The following NAV2 variants were observed in gnomAD, a reference collection of about 807,000 sequenced individuals.
NAV2 encodes helicase, APC down-regulated 1.
In NAV2, 54 loss-of-function variants were observed where a neutral mutation model predicts 223.2. The observed-to-expected ratio is 0.24, with a 90% CI of 0.19 to 0.30. The LOEUF (loss-of-function observed/expected upper bound fraction) is 0.30. Ranked by LOEUF, NAV2 falls within the 10% of genes least tolerant of loss-of-function variation. NAV2 has a pLI of 1.00. For synonymous variants in NAV2, 1,279 were observed against 1,239.3 expected (o/e 1.03, Z -0.67); for missense variants, 2,806 against 3,147.5 (o/e 0.89, Z 2.60).
chr11:20,106,573 AAT>A (rs1449697534), intron 35 of NAV2, among the ~76,000 whole-genome samples: 1 of 149,974 alleles, frequency 6.7e-6, no homozygotes, highest in Non-Finnish European at 1.5e-5. Context: ...AAAAAAAAAA[AAT>A]CCTTTTTCAT....
intron 1 of NAV2, among the ~76,000 whole-genome samples, chr11:19,631,662 G>C (rs2047350061): frequency 6.6e-6 from 1 of 152,186 alleles, no homozygotes; most frequent in African/African-American, 2.4e-5. Context: ...GGAGAGACTT[G>C]CATTCAAAGC....
intron 12 of NAV2, among the ~76,000 whole-genome samples, chr11:20,042,353 G>A (rs907628376): frequency 1.3e-5 from 2 of 152,112 alleles, no homozygotes; most frequent in South Asian, 2.1e-4. Flanking sequence ...TCATTCATTC[G>A]CTCATCAAGC....
intron 10 of NAV2, among the ~76,000 whole-genome samples, chr11:19,966,412 G>A (rs553796151): frequency 7.1e-4 from 108 of 152,250 alleles, no homozygotes; most frequent in Non-Finnish European, 1.2e-3. Context: ...ACAGAGCATG[G>A]TGCATCATGG....
At chr11:19,497,788 A>G (rs2134127038) in intron 1 of NAV2, among the ~76,000 whole-genome samples, 1 of 152,272 alleles carries the variant, frequency 6.6e-6, no homozygotes, top group East Asian at 1.9e-4. Context: ...TGTGCTTCCA[A>G]GCACACATCA....
chr11:20,074,532 G>T (rs1009401284), intron 22 of NAV2, among the ~76,000 whole-genome samples: 3 of 152,060 alleles, frequency 2.0e-5, no homozygotes, highest in Non-Finnish European at 4.4e-5. Flanking sequence ...TGACAGTAGG[G>T]TGTTAAAGTC....
chr11:20,077,629 G>GC lies in NAV2; in HGVS notation c.5062dup (p.Gln1688ProfsTer8). On this transcript the variant is annotated frameshift_variant, in exon 23 of 38. Transcript: ENST00000349880. LOFTEE classifies it high-confidence loss of function. ...TCCAGAGTCTGACCATGACAGCTGA[G>GC]CAGAAGGTAAGGCAGAAAGGATACT... The GC allele has an allele frequency of 6.2e-7, 1 of 1,613,672 alleles. No individual in the cohort carries two copies. Among genetic ancestry groups the GC allele is most frequent in the African/African-American group, 1.3e-5 (1 of 75,056 alleles).
chr11:19,386,218 T>C (rs1400610548), intron 1 of NAV2, among the ~76,000 whole-genome samples: 1 of 152,240 alleles, frequency 6.6e-6, no homozygotes, highest in African/African-American at 2.4e-5. Flanking sequence ...GTGCCCAGCA[T>C]TGAATCAAAC....
chr11:19,418,571 C>G (rs1453538017), intron 1 of NAV2, among the ~76,000 whole-genome samples: 1 of 152,170 alleles, frequency 6.6e-6, no homozygotes, highest in African/African-American at 2.4e-5. Flanking sequence ...CACATCTTAC[C>G]AGCATATGAT....
intron 5 of NAV2, among the ~76,000 whole-genome samples, chr11:19,888,137 C>G (rs2041185527): frequency 6.6e-6 from 1 of 152,124 alleles, no homozygotes; most frequent in Non-Finnish European, 1.5e-5. Flanking sequence ...TTCCCTTAAG[C>G]TTAATATTTT....
At position 20,064,398 on chromosome 11, in the gene NAV2, C is replaced by T. The variant is rs1321188509; in HGVS notation, c.4884+2039C>T. On this transcript the variant is annotated intron_variant, in intron 20 of 37. Transcript: ENST00000349880. ...GGACTCTAGCTTCACAGGACTGGCACAGAGAAGCTGTAGTGGATGTTTCAG... is the reference window on the plus strand; with the variant it reads ...GGACTCTAGCTTCACAGGACTGGCATAGAGAAGCTGTAGTGGATGTTTCAG... Among the ~76,000 whole-genome samples, 3 of 152,196 alleles carry T rather than the reference C, an allele frequency of 2.0e-5. No homozygotes were observed. The East Asian group carries it at 5.8e-4, about 29-fold the overall frequency.
chr11:19,823,319 T>C (rs1003728245), intron 1 of NAV2, among the ~76,000 whole-genome samples: 1 of 152,224 alleles, frequency 6.6e-6, no homozygotes, highest in African/African-American at 2.4e-5. Context: ...GTGATTCTCC[T>C]GCCTCAGCCT....
chr11:19,722,011 C>T (rs908938668), intron 1 of NAV2, among the ~76,000 whole-genome samples: 3 of 152,168 alleles, frequency 2.0e-5, no homozygotes, highest in African/African-American at 7.2e-5. Context: ...AAAACAAAGT[C>T]CTGCCTGAAT....
chr11:20,068,327 C>G lies in NAV2; in HGVS notation c.4912C>G (p.Arg1638Gly). 6.2e-7 allele frequency: 1 copy of G among 1,614,076 alleles called. No individual in the cohort carries two copies. The highest frequency in any genetic ancestry group is 8.5e-7 in the Non-Finnish European group (1 of 1,179,930). The change falls in exon 22 of 38, where the codon CGC becomes GGC. Residue 1638 changes from arginine (R) to glycine (G), a missense_variant. Coordinates refer to ENST00000349880, the MANE Select transcript of NAV2 (RefSeq NM_145117.5). ...TPEEKCQSEI[R>G]KLRRELDASQ... ...CCCTCTCCCTTGTCATCTTTAGATT[C>G]GCAAGCTGCGGCGGGAACTGGATGC...
At chr11:19,441,202 G>A (rs1448166090) in intron 1 of NAV2, among the ~76,000 whole-genome samples, 1 of 152,188 alleles carries the variant, frequency 6.6e-6, no homozygotes, top group Non-Finnish European at 1.5e-5. Context: ...CAAAAGGCCA[G>A]TGTGGCTGGA....
At chr11:19,635,539 A>C (rs968823051) in intron 1 of NAV2, among the ~76,000 whole-genome samples, 1 of 152,212 alleles carries the variant, frequency 6.6e-6, no homozygotes, top group Non-Finnish European at 1.5e-5. Flanking sequence ...GGGCAGCTGC[A>C]TCTGGTAAGG....
chr11:20,084,431 T>C (rs2060288728), intron 26 of NAV2, among the ~76,000 whole-genome samples: 3 of 152,208 alleles, frequency 2.0e-5, no homozygotes, highest in Admixed American at 1.3e-4. Flanking sequence ...TCACCCACTA[T>C]TGAAACATGG....
chr11:19,516,346 C>T (rs2043446597), intron 1 of NAV2, among the ~76,000 whole-genome samples: 1 of 152,166 alleles, frequency 6.6e-6, no homozygotes, highest in African/African-American at 2.4e-5. Flanking sequence ...CTAACAACTC[C>T]CACCCCCAAA....
At position 20,044,141 on chromosome 11, in the gene NAV2, C is replaced by T. The variant is rs202031827; in HGVS notation, c.3068C>T (p.Thr1023Met). The stretch of plus-strand genomic sequence containing the variant: ...GTGTCTGACGAGTCCGACAAAAGCA[C>T]GTCGGGCAAGAAGAATCCTGTCATC... ...SDVSDESDKS[T>M]SGKKNPVISQ... The change falls in exon 13 of 38, where the codon ACG (threonine) becomes ATG (methionine). Residue 1023 changes from threonine (T) to methionine (M), a missense_variant. Thr to Met is a moderately conservative substitution (Grantham distance 81). Transcript: ENST00000349880. 27 of 1,614,066 alleles carry T rather than the reference C, an allele frequency of 1.7e-5. No homozygotes were observed. The highest frequency in any genetic ancestry group is 3.3e-5 in the Admixed American group (2 of 60,008).
chr11:19,721,812 A>C (rs1216676205), intron 1 of NAV2, among the ~76,000 whole-genome samples: 1 of 152,198 alleles, frequency 6.6e-6, no homozygotes, highest in East Asian at 1.9e-4. Context: ...CTTGGGAGCT[A>C]TATGCTGAAA....
Sources: allele counts gnomAD v4.1 joint callset (sites outside exome capture counted in the v4.1 genomes callset), GRCh38; gene constraint gnomAD v4.1.1; transcripts MANE v1.5; gene names NCBI Gene and HGNC (gene_info 2026-07-23, HGNC 2026-07-21).